LRMDA: variants seen among roughly 807,000 people sequenced by gnomAD.
The protein encoded by LRMDA is leucine rich melanocyte differentiation associated.
A neutral mutation model predicts 29.8 loss-of-function variants in LRMDA; 18 were observed. That is an observed-to-expected ratio of 0.60 (90% confidence interval 0.42 to 0.90). The LOEUF (loss-of-function observed/expected upper bound fraction) is 0.90. Among genes scored for constraint, LRMDA ranks in the 40% least tolerant of loss-of-function variants. LRMDA has a pLI of 0.00. For synonymous variants in LRMDA, 125 were observed against 109.4 expected (o/e 1.14, Z -0.89); for missense variants, 273 against 273.9 (o/e 1.00, Z 0.02).
intron 5 of LRMDA, among the ~76,000 whole-genome samples, chr10:76,129,032 T>C (rs1007549415): frequency 3.3e-5 from 5 of 152,230 alleles, no homozygotes; most frequent in Non-Finnish European, 2.9e-5. Context: ...TTTTAAAATA[T>C]TGGTGCTTCT....
intron 5 of LRMDA, among the ~76,000 whole-genome samples, chr10:76,310,254 CA>C (rs1840613096): frequency 6.6e-6 from 1 of 152,166 alleles, no homozygotes; most frequent in East Asian, 1.9e-4. Flanking sequence ...GCGGCATTCT[CA>C]AAAAAGTTGG....
chr10:76,548,038 T>C (rs958064711), intron 6 of LRMDA, among the ~76,000 whole-genome samples: 1 of 152,188 alleles, frequency 6.6e-6, no homozygotes, highest in African/African-American at 2.4e-5. Context: ...CTGGTTCCTG[T>C]GAACAGGACT....
intron 2 of LRMDA, among the ~76,000 whole-genome samples, chr10:75,867,207 G>C (rs1845034261): frequency 6.6e-6 from 1 of 152,100 alleles, no homozygotes; most frequent in Admixed American, 6.6e-5. Context: ...TCTGTTGCCA[G>C]ACTGGAGTGC....
At chr10:76,375,354 G>C (rs1164588010) in intron 6 of LRMDA, among the ~76,000 whole-genome samples, 1 of 151,928 alleles carries the variant, frequency 6.6e-6, no homozygotes, top group African/African-American at 2.4e-5. Flanking sequence ...GGACTGCCAG[G>C]TTAGGCCAAT....
intron 2 of LRMDA, among the ~76,000 whole-genome samples, chr10:75,845,475 G>T (rs909673432): frequency 2.0e-5 from 3 of 152,152 alleles, no homozygotes; most frequent in Admixed American, 1.3e-4. Context: ...TGTTTCCCTG[G>T]CTTCTGTGTC....
intron 2 of LRMDA, among the ~76,000 whole-genome samples, chr10:75,459,485 A>G (rs1844559431): frequency 6.6e-6 from 1 of 152,184 alleles, no homozygotes; most frequent in Non-Finnish European, 1.5e-5. Flanking sequence ...GCTGCACAAA[A>G]GCACACGCTT....
chr10:75,724,299 G>A (rs950175723), intron 2 of LRMDA, among the ~76,000 whole-genome samples: 7 of 152,144 alleles, frequency 4.6e-5, no homozygotes, highest in African/African-American at 7.2e-5. Context: ...ATTTGTAGAC[G>A]TTTCACAGAG....
intron 2 of LRMDA, among the ~76,000 whole-genome samples, chr10:75,545,759 A>G (rs1173940595): frequency 1.3e-5 from 2 of 152,224 alleles, no homozygotes; most frequent in Admixed American, 6.5e-5. Flanking sequence ...TCTCTGCAGT[A>G]TTAAGCTTGT....
intron 2 of LRMDA, among the ~76,000 whole-genome samples, chr10:75,824,882 C>T (rs1043469720): frequency 2.0e-5 from 3 of 152,194 alleles, no homozygotes; most frequent in Admixed American, 6.5e-5. Flanking sequence ...AAGGTAGGGA[C>T]AAACATATGG....
intron 5 of LRMDA, among the ~76,000 whole-genome samples, chr10:76,159,412 G>C (rs1021666257): frequency 2.0e-5 from 3 of 152,098 alleles, no homozygotes; most frequent in Non-Finnish European, 4.4e-5. Context: ...AGAGCCTTAG[G>C]GACTCTCATT....
chr10:76,175,599 A>G (rs1254226634), intron 5 of LRMDA, among the ~76,000 whole-genome samples: 1 of 152,220 alleles, frequency 6.6e-6, no homozygotes, highest in East Asian at 1.9e-4. Context: ...TGAGGACACC[A>G]GGTAACAGAG....
chr10:75,744,686 C>A (rs777664087), intron 2 of LRMDA, among the ~76,000 whole-genome samples: 21 of 152,158 alleles, frequency 1.4e-4, no homozygotes, highest in South Asian at 8.3e-4. Flanking sequence ...GGACTTAGAT[C>A]TGCCAATTTG....
chr10:76,254,294 C>CTATAT (rs1852540706), intron 5 of LRMDA, among the ~76,000 whole-genome samples: 1 of 100,396 alleles, frequency 1.0e-5, no homozygotes, highest in African/African-American at 3.8e-5. Context: ...CTATACTATA[C>CTATAT]TATACTATAC....
chr10:76,137,039 C>T (rs1307674962), intron 5 of LRMDA, among the ~76,000 whole-genome samples: 1 of 152,158 alleles, frequency 6.6e-6, no homozygotes, highest in Non-Finnish European at 1.5e-5. Flanking sequence ...TACACCAAAC[C>T]ATTCCTATCT....
intron 5 of LRMDA, among the ~76,000 whole-genome samples, chr10:76,197,770 A>G (rs1851355833): frequency 1.3e-5 from 2 of 152,196 alleles, no homozygotes; most frequent in South Asian, 4.1e-4. Flanking sequence ...AAATACAAAA[A>G]TTAGCCGGGC....
At chr10:75,824,143 G>A (rs1226634551) in intron 2 of LRMDA, among the ~76,000 whole-genome samples, 1 of 152,064 alleles carries the variant, frequency 6.6e-6, no homozygotes, top group African/African-American at 2.4e-5. Context: ...CTATAAAGAA[G>A]TTAATTTCAA....
intron 2 of LRMDA, among the ~76,000 whole-genome samples, chr10:75,727,727 A>G (rs551296620): frequency 1.3e-3 from 192 of 152,292 alleles, no homozygotes; most frequent in African/African-American, 4.3e-3. Context: ...TTCCTTTTCT[A>G]TTTATATTTT....
chr10:76,482,945 C>T (rs1250734400), intron 6 of LRMDA, among the ~76,000 whole-genome samples: 1 of 151,938 alleles, frequency 6.6e-6, no homozygotes, highest in Non-Finnish European at 1.5e-5. Flanking sequence ...GAAGTGGTAG[C>T]TCATCATATA....
chr10:76,013,179 G>C (rs1282463250), intron 2 of LRMDA, among the ~76,000 whole-genome samples: 1 of 152,204 alleles, frequency 6.6e-6, no homozygotes, highest in Non-Finnish European at 1.5e-5. Flanking sequence ...ATAAAAAGGA[G>C]TGAGGGGGGT....
Sources: gnomAD v4.1 joint callset for allele counts (sites outside exome capture counted in the v4.1 genomes callset) on GRCh38, gnomAD v4.1.1 for gene constraint, MANE v1.5 for transcripts, NCBI Gene and HGNC (gene_info 2026-07-23, HGNC 2026-07-21) for gene names.